Variants in USP47 observed in about 807,000 individuals in gnomAD.
The protein encoded by USP47 is ubiquitin carboxyl-terminal hydrolase 47.
USP47 carries 35 observed loss-of-function variants against 165.1 expected under a neutral mutation model. The observed-to-expected ratio is 0.21, with a 90% CI of 0.16 to 0.28. The LOEUF is 0.28. Ranked by LOEUF, USP47 falls within the 10% of genes least tolerant of loss-of-function variation. The probability of loss-of-function intolerance (pLI) is 1.00; values close to 1 mark genes in which losing one functional copy is unlikely to be tolerated. For missense variants in USP47, 1,277 were observed against 1,607.4 expected, an observed-to-expected ratio of 0.79 and a Z score of 3.52; for synonymous variants, 531 against 544.5, an observed-to-expected ratio of 0.98 and a Z score of 0.35.
chr11:11,872,646 G>A (rs1271819633), intron 1 of USP47, among the ~76,000 whole-genome samples: 1 of 152,228 alleles, frequency 6.6e-6, no homozygotes, highest in Admixed American at 6.5e-5. Context: ...CCACTGCACA[G>A]CATCACCTCC....
chr11:11,960,926 C>T lies in USP47; in HGVS notation c.*4751C>T, dbSNP rs1847425842. Reference sequence around the variant, plus strand: ...CCTCCCTTCCCTCTTCAACCTCATCCTCCCTCCCCACAGGCCCAGAGAACC... The same window carrying T: ...CCTCCCTTCCCTCTTCAACCTCATCTTCCCTCCCCACAGGCCCAGAGAACC... On this transcript the variant is annotated 3_prime_UTR_variant, in exon 28 of 28. Transcript: ENST00000527733. 6.6e-6 allele frequency among the ~76,000 whole-genome samples: 1 copy of T among 152,184 alleles called. No individual in the cohort carries two copies. Among genetic ancestry groups the T allele is most frequent in the Non-Finnish European group, 1.5e-5 (1 of 68,030 alleles).
chr11:11,917,989 A>G (rs1853552359), intron 8 of USP47, among the ~76,000 whole-genome samples: 1 of 152,170 alleles, frequency 6.6e-6, no homozygotes. Context: ...GGATTTTTGC[A>G]TGGTCTCCAA....
At chr11:11,859,824 C>T (rs1011735322) in intron 1 of USP47, among the ~76,000 whole-genome samples, 7 of 152,196 alleles carry the variant, frequency 4.6e-5, no homozygotes, top group Middle Eastern at 3.4e-3. Flanking sequence ...ATGTGGATGG[C>T]CAGGCACCGT....
At chr11:11,944,563 G>C (rs2134808226) in intron 20 of USP47, among the ~76,000 whole-genome samples, 1 of 152,176 alleles carries the variant, frequency 6.6e-6, no homozygotes, top group Non-Finnish European at 1.5e-5. Flanking sequence ...TTTTTTAACA[G>C]CTGTGTGAAA....
In USP47 at chr11:11,897,678, G is replaced by A; in HGVS notation, c.578G>A (p.Arg193Lys). Residue 193 changes from arginine (R) to lysine (K), a missense_variant, in exon 5 of 28, where the codon AGG becomes AAG. Arg to Lys is a conservative substitution (Grantham distance 26). Around this residue, in one of 4 missense-constraint regions of USP47, gnomAD observed 12 missense variants for 48.8 expected, o/e 0.25. Coordinates refer to ENST00000527733, the MANE Select transcript of USP47 (RefSeq NM_001282659.2). ...ACACTTTTTATGACTCCTGAATTTA[G>A]GAATGCATTATATAAGTGAGTATTC... ...LQTLFMTPEF[R>K]NALYKWEFEE... 1.2e-6 allele frequency: 2 copies of A among 1,608,006 alleles called. No individual in the cohort carries two copies. The highest frequency in any genetic ancestry group is 1.7e-6 in the Non-Finnish European group (2 of 1,176,624).
rs368134467 is a variant in USP47, at chr11:11,930,099, A to G, written c.1574A>G (p.Tyr525Cys). Residue 525 changes from tyrosine (Y) to cysteine (C), a missense_variant, in exon 13 of 28, where the codon TAT becomes TGT. Coordinates refer to ENST00000527733, the MANE Select transcript of USP47 (RefSeq NM_001282659.2). ...THGGSSGSRG[Y>C]YSSAFASSTN... ...GGTGGATCTTCAGGAAGCAGAGGAT[A>G]TTATTCTAGTGCTTTCGCAAGGTAA... is the stretch of plus-strand genomic sequence containing the variant. The G allele has an allele frequency of 2.5e-6, 4 of 1,612,980 alleles. No individual in the cohort carries two copies. The South Asian group carries it at 3.3e-5, about 13-fold the overall frequency.
intron 8 of USP47, among the ~76,000 whole-genome samples, chr11:11,908,733 G>A (rs1852754425): frequency 6.6e-6 from 1 of 151,818 alleles, no homozygotes; most frequent in African/African-American, 2.4e-5. Flanking sequence ...TTTTTCAATA[G>A]ATTTTTAGTT....
At chr11:11,848,718 T>C (rs1848563514) in intron 1 of USP47, among the ~76,000 whole-genome samples, 1 of 151,044 alleles carries the variant, frequency 6.6e-6, no homozygotes, top group Non-Finnish European at 1.5e-5. Flanking sequence ...CAAGCGATTC[T>C]CCTGCCTCAG....
intron 1 of USP47, among the ~76,000 whole-genome samples, chr11:11,872,474 C>T (rs7935751): frequency 0.71 from 108,357 of 152,148 alleles, 38,701 homozygotes; most frequent in East Asian, 0.78. Context: ...GGAAGCAAGT[C>T]AAAGAATTTG....
intron 8 of USP47, among the ~76,000 whole-genome samples, chr11:11,918,612 T>C (rs1355383992): frequency 1.3e-5 from 2 of 152,086 alleles, no homozygotes; most frequent in Non-Finnish European, 2.9e-5. Context: ...GAAAGCAAAA[T>C]TGGCAAAAAT....
chr11:11,900,184 G>A (rs1437476209), intron 5 of USP47, among the ~76,000 whole-genome samples: 8 of 130,756 alleles, frequency 6.1e-5, no homozygotes, highest in Non-Finnish European at 9.5e-5. Flanking sequence ...TTTTTGAGAC[G>A]GAGTCTCGCT....
chr11:11,902,975 TTTG>T, intron 6 of USP47, 115 bp downstream of exon 6: 1 of 1,142,620 alleles, frequency 8.8e-7, no homozygotes, highest in Non-Finnish European at 1.2e-6. Flanking sequence ...TCATTGCAAG[TTTG>T]TTGTCATATA....
chr11:11,914,007 A>G (rs893775148), intron 8 of USP47, among the ~76,000 whole-genome samples: 6 of 152,158 alleles, frequency 3.9e-5, no homozygotes, highest in Non-Finnish European at 5.9e-5. Flanking sequence ...AAAGTCCAGC[A>G]AGATTTTTTG....
intron 8 of USP47, among the ~76,000 whole-genome samples, chr11:11,908,425 T>C (rs1399695758): frequency 6.6e-6 from 1 of 152,084 alleles, no homozygotes; most frequent in Non-Finnish European, 1.5e-5. Context: ...AGGCATGAGC[T>C]ACCACGCCCA....
chr11:11,869,028 T>C (rs1007132612), intron 1 of USP47, among the ~76,000 whole-genome samples: 15 of 152,136 alleles, frequency 9.9e-5, no homozygotes, highest in African/African-American at 2.9e-4. Flanking sequence ...TACTAATCCT[T>C]TGTTGATTAT....
intron 8 of USP47, among the ~76,000 whole-genome samples, chr11:11,915,212 G>A (rs1313590836): frequency 6.6e-6 from 1 of 152,158 alleles, no homozygotes; most frequent in East Asian, 1.9e-4. Context: ...ATTATTCCGA[G>A]TGAAAAAAGC....
At chr11:11,851,711 G>A (rs1564850404) in intron 1 of USP47, among the ~76,000 whole-genome samples, 1 of 152,040 alleles carries the variant, frequency 6.6e-6, no homozygotes, top group Non-Finnish European at 1.5e-5. Flanking sequence ...ATTGCATTTG[G>A]TTATCATATC....
chr11:11,891,633 T>C (rs1489529292), intron 3 of USP47, among the ~76,000 whole-genome samples: 1 of 152,212 alleles, frequency 6.6e-6, no homozygotes, highest in Admixed American at 6.5e-5. Flanking sequence ...TGAAGTTTCT[T>C]GTCAGAGACA....
At chr11:11,867,108 G>C (rs1442456328) in intron 1 of USP47, among the ~76,000 whole-genome samples, 2 of 152,168 alleles carry the variant, frequency 1.3e-5, no homozygotes, top group African/African-American at 4.8e-5. Flanking sequence ...TGTTGGTCAT[G>C]CTGGTCTTGA....
Sources: gnomAD v4.1 joint callset for allele counts (sites outside exome capture counted in the v4.1 genomes callset) on GRCh38, gnomAD v4.1.1 for gene constraint, gnomAD v4.1.1 regional missense constraint, MANE v1.5 for transcripts, NCBI Gene and HGNC (gene_info 2026-07-23, HGNC 2026-07-21) for gene names.